Variants in PCBP3 observed in about 807,000 individuals in gnomAD.
PCBP3 encodes the protein poly(rC)-binding protein 3.
In PCBP3, 25 loss-of-function variants were observed where a neutral mutation model predicts 52.7. The observed-to-expected ratio is 0.47, with a 90% CI of 0.35 to 0.66. The LOEUF is 0.66. PCBP3 is among the 30% of genes least tolerant of loss of function. PCBP3 has a pLI of 0.01. For missense variants in PCBP3, 391 were observed against 490.3 expected (o/e 0.80, Z 1.91); for synonymous variants, 162 against 183.0 (o/e 0.89, Z 0.93).
chr21:45,802,804 C>G lies in PCBP3; in HGVS notation c.-125-47157C>G, dbSNP rs1023515609. ...CAGGGATGGGAAGGGTCCCCGAGGG[C>G]CCTGAGCAGGGCTAACCCTAGGGAA... On this transcript the variant is annotated intron_variant, in intron 4 of 17. Transcript: ENST00000681687. This position sits in a 1 kb window ranked among gnomAD's most constrained non-coding sequence, Gnocchi z 5.1. Among the ~76,000 whole-genome samples the G allele has an allele frequency of 5.9e-5, 9 of 152,122 alleles. No homozygotes were observed. The highest frequency in any genetic ancestry group is 2.2e-4 in the African/African-American group (9 of 41,434).
intron 4 of PCBP3, among the ~76,000 whole-genome samples, chr21:45,797,382 G>T (rs929915899): frequency 1.2e-4 from 4 of 33,956 alleles, no homozygotes; most frequent in Admixed American, 7.4e-4. Context: ...GTGAATGCAT[G>T]GATAGTTGAG....
intron 4 of PCBP3, among the ~76,000 whole-genome samples, chr21:45,759,508 T>C (rs1030065053): frequency 6.6e-6 from 1 of 152,236 alleles, no homozygotes; most frequent in African/African-American, 2.4e-5. Flanking sequence ...CAGACGTTCT[T>C]ACTCTGTACT....
rs1466126286 is a variant in PCBP3 at position 45,853,204 on chromosome 21, A to G, written c.10+3109A>G. On this transcript the variant is annotated intron_variant, in intron 5 of 17. Coordinates refer to ENST00000681687, the MANE Select transcript of PCBP3 (RefSeq NM_001384156.1). The surrounding 1 kb of genome is among the most constrained non-coding windows in gnomAD (Gnocchi z 4.6). The stretch of plus-strand genomic sequence containing the variant: ...AATCTCCACGGGTTCATGGAGACAG[A>G]TGCACACAGCATCTCCTTGTTGTGC... Among the ~76,000 whole-genome samples the G allele has an allele frequency of 6.6e-6, 1 of 152,160 alleles. No individual in the cohort carries two copies. The highest frequency in any genetic ancestry group is 2.4e-5 in the African/African-American group (1 of 41,434).
chr21:45,709,537 AG>A (rs1324580013), intron 2 of PCBP3, among the ~76,000 whole-genome samples: 1 of 151,966 alleles, frequency 6.6e-6, no homozygotes, highest in Non-Finnish European at 1.5e-5. Context: ...CAACATGTTC[AG>A]ACTAAGACGG....
intron 4 of PCBP3, among the ~76,000 whole-genome samples, chr21:45,824,457 G>A (rs186403853): frequency 3.3e-5 from 5 of 152,318 alleles, no homozygotes; most frequent in Non-Finnish European, 7.4e-5. Context: ...GGAAGGAGGG[G>A]GCAGACTGAC....
At chr21:45,756,040 A>G (rs2088004144) in intron 4 of PCBP3, among the ~76,000 whole-genome samples, 1 of 152,168 alleles carries the variant, frequency 6.6e-6, no homozygotes. Flanking sequence ...TCTCCTAGAA[A>G]TTATATAGTT....
At chr21:45,902,526 A>T (rs2096086028) in intron 9 of PCBP3, among the ~76,000 whole-genome samples, 2 of 152,208 alleles carry the variant, frequency 1.3e-5, no homozygotes, top group Non-Finnish European at 2.9e-5. Context: ...TCTGTTGCTG[A>T]GTCATCCTGG....
chr21:45,890,956 T>C (rs1258253550), intron 5 of PCBP3, among the ~76,000 whole-genome samples: 2 of 146,900 alleles, frequency 1.4e-5, no homozygotes, highest in Non-Finnish European at 1.5e-5. Flanking sequence ...ATGTAGATAA[T>C]AGAACCTGGA....
chr21:45,694,077 TAAA>T (rs1271683233), intron 2 of PCBP3, among the ~76,000 whole-genome samples: 1 of 151,726 alleles, frequency 6.6e-6, no homozygotes, highest in African/African-American at 2.4e-5. Context: ...CTAGAATAAA[TAAA>T]GAAGCTGAGA....
intron 5 of PCBP3, among the ~76,000 whole-genome samples, chr21:45,868,270 G>A (rs572803797): frequency 6.6e-6 from 1 of 152,230 alleles, no homozygotes; most frequent in South Asian, 2.1e-4. Flanking sequence ...CAGGGTTGCA[G>A]GGTGGCTTCC....
At chr21:45,697,454 T>C (rs1486523052) in intron 2 of PCBP3, among the ~76,000 whole-genome samples, 2 of 152,160 alleles carry the variant, frequency 1.3e-5, no homozygotes, top group African/African-American at 2.4e-5. Context: ...TTAAAAAATA[T>C]CACAAAGTTG....
At chr21:45,809,949 G>A (rs371354271) in intron 4 of PCBP3, among the ~76,000 whole-genome samples, 1 of 152,294 alleles carries the variant, frequency 6.6e-6, no homozygotes, top group African/African-American at 2.4e-5. Flanking sequence ...ATGGTATCAG[G>A]GTTTCTAACT....
chr21:45,930,896 G>C lies in PCBP3; in HGVS notation c.856+51G>C, dbSNP rs368276233. On this transcript the variant is annotated intron_variant, in intron 15 of 17. Transcript: ENST00000681687. ...GAACAGGCCAGGGCAGCAGAGCAGA[G>C]CCCCAGTGGGAGGAGGTGTGGGGGC... 4,858 of 1,607,886 alleles carry C rather than the reference G, an allele frequency of 3.0e-3. 169 individuals are homozygous for C. The South Asian group carries it at 0.051, about 17-fold the overall frequency.
intron 2 of PCBP3, among the ~76,000 whole-genome samples, chr21:45,683,052 G>GTC (rs1555904206): frequency 3.3e-5 from 5 of 149,790 alleles, no homozygotes; most frequent in Non-Finnish European, 7.4e-5. Context: ...AATACTGCGT[G>GTC]TCATCAATCA....
At chr21:45,820,385 G>C (rs1303820617) in intron 4 of PCBP3, among the ~76,000 whole-genome samples, 1 of 152,254 alleles carries the variant, frequency 6.6e-6, no homozygotes, top group Admixed American at 6.5e-5. Context: ...CCCACGGATA[G>C]GAGTGCCAGG....
chr21:45,662,545 G>T (rs922125652), intron 1 of PCBP3, among the ~76,000 whole-genome samples: 1 of 151,704 alleles, frequency 6.6e-6, no homozygotes, highest in Non-Finnish European at 1.5e-5. Flanking sequence ...AGCTGTTCCA[G>T]TATAATAAAA....
intron 2 of PCBP3, among the ~76,000 whole-genome samples, chr21:45,691,454 GTA>G (rs1039392957): frequency 6.0e-4 from 44 of 73,750 alleles, no homozygotes; most frequent in African/African-American, 2.8e-3. Flanking sequence ...ATGTATGTAT[GTA>G]TGTGTGTGTG....
chr21:45,936,681 G>T (rs185457791), intron 16 of PCBP3, among the ~76,000 whole-genome samples: 1 of 152,312 alleles, frequency 6.6e-6, no homozygotes, highest in East Asian at 1.9e-4. Context: ...TTTCCTGTGG[G>T]GTTTTCCTTC....
intron 13 of PCBP3, among the ~76,000 whole-genome samples, chr21:45,922,643 A>G (rs1240491783): frequency 6.6e-6 from 1 of 152,202 alleles, no homozygotes; most frequent in Non-Finnish European, 1.5e-5. Flanking sequence ...CGTCCCCATC[A>G]TTTAAAGGGG....
Sources: gnomAD v4.1 joint callset for allele counts (sites outside exome capture counted in the v4.1 genomes callset) on GRCh38, gnomAD v4.1.1 for gene constraint, Gnocchi (gnomAD v3.1) non-coding constraint, MANE v1.5 for transcripts, NCBI Gene and HGNC (gene_info 2026-07-23, HGNC 2026-07-21) for gene names.